Variants in APBA1 observed in about 807,000 individuals in gnomAD.
APBA1 encodes amyloid beta precursor protein binding family A member 1.
Under a neutral mutation model 86.6 loss-of-function variants are expected in APBA1, and 55 were observed. The observed-to-expected ratio is 0.64, with a 90% CI of 0.51 to 0.80. The LOEUF (loss-of-function observed/expected upper bound fraction) is 0.80, where lower values mean the gene tolerates loss of function less well. APBA1 is among the 30% of genes least tolerant of loss of function. The pLI, the probability that APBA1 is intolerant of heterozygous loss-of-function variation, is 0.00. For synonymous variants in APBA1, 511 were observed against 493.9 expected (o/e 1.03, Z -0.46); for missense variants, 1,090 against 1,183.0 (o/e 0.92, Z 1.15).
intron 1 of APBA1, among the ~76,000 whole-genome samples, chr9:69,557,979 A>G (rs368996115): frequency 2.4e-4 from 37 of 152,302 alleles, no homozygotes; most frequent in East Asian, 1.7e-3. Context: ...CACAACTTTG[A>G]TCATTTCATT....
At chr9:69,434,710 T>TA (rs1564027206) in intron 11 of APBA1, among the ~76,000 whole-genome samples, 8,064 of 148,142 alleles carry the variant, frequency 0.054, 781 homozygotes, top group African/African-American at 0.19. Flanking sequence ...CCATCTCAAT[T>TA]TAAAAAAAAA....
rs888541126 is a variant in APBA1 at position 69,536,190 on chromosome 9, A to G, written c.-69-18911T>C. On this transcript the variant is annotated intron_variant, in intron 1 of 12. Coordinates refer to ENST00000265381, the MANE Select transcript of APBA1 (RefSeq NM_001163.4). ...ACATTTTTTCCTATGCAGTGTTTCAATGAACCTCCTCATAGATTATATCCT... is the reference window on the plus strand; with the variant it reads ...ACATTTTTTCCTATGCAGTGTTTCAGTGAACCTCCTCATAGATTATATCCT... 3.9e-5 allele frequency among the ~76,000 whole-genome samples: 6 copies of G among 152,068 alleles called. No homozygotes were observed. In the East Asian group the frequency reaches 1.2e-3, roughly 29 times the overall value.
At chr9:69,440,528 C>T (rs937297764) in intron 11 of APBA1, among the ~76,000 whole-genome samples, 1 of 152,116 alleles carries the variant, frequency 6.6e-6, no homozygotes, top group African/African-American at 2.4e-5. Flanking sequence ...AGTTTGATCT[C>T]AGACTGCTGT....
intron 11 of APBA1, among the ~76,000 whole-genome samples, chr9:69,434,637 G>C (rs913465590): frequency 6.6e-6 from 1 of 151,440 alleles, no homozygotes; most frequent in East Asian, 1.9e-4. Flanking sequence ...AACCCAGGAG[G>C]TGGAGGTTGC....
intron 1 of APBA1, among the ~76,000 whole-genome samples, chr9:69,602,972 G>T (rs1484142599): frequency 6.6e-6 from 1 of 152,122 alleles, no homozygotes; most frequent in Non-Finnish European, 1.5e-5. Context: ...AAGACTTTTG[G>T]CAGCAAATCA....
rs117446068 is a variant in APBA1 at position 69,532,667 on chromosome 9, T to A, written c.-69-15388A>T. ...GTGTGTGCTTTGGTGAGTTGTTGAGTGGCTCTGCTTGCCCACCTCACAGCA... is the reference window on the plus strand; with the variant it reads ...GTGTGTGCTTTGGTGAGTTGTTGAGAGGCTCTGCTTGCCCACCTCACAGCA... On this transcript the variant is annotated intron_variant, in intron 1 of 12. Coordinates refer to ENST00000265381, the MANE Select transcript of APBA1 (RefSeq NM_001163.4). 2.0e-3 allele frequency among the ~76,000 whole-genome samples: 299 copies of A among 152,326 alleles called. 7 individuals are homozygous for A. The East Asian group carries it at 0.034, about 17-fold the overall frequency.
intron 5 of APBA1, among the ~76,000 whole-genome samples, chr9:69,459,866 T>C (rs1395696165): frequency 6.6e-6 from 1 of 152,248 alleles, no homozygotes; most frequent in Admixed American, 6.5e-5. Context: ...CTAAGCACTA[T>C]ATTTGTGTTT....
At chr9:69,524,399 AT>A (rs1836310569) in intron 1 of APBA1, among the ~76,000 whole-genome samples, 1 of 152,150 alleles carries the variant, frequency 6.6e-6, no homozygotes, top group African/African-American at 2.4e-5. Context: ...CAAAAGTGAC[AT>A]TATAACCAAT....
chr9:69,625,120 G>A (rs1270269439), intron 1 of APBA1, among the ~76,000 whole-genome samples: 1 of 152,066 alleles, frequency 6.6e-6, no homozygotes, highest in South Asian at 2.1e-4. Context: ...CTTTATTTGG[G>A]ACCACTTTCC....
intron 1 of APBA1, among the ~76,000 whole-genome samples, chr9:69,637,869 C>G (rs1823212900): frequency 6.6e-6 from 1 of 151,978 alleles, no homozygotes; most frequent in Non-Finnish European, 1.5e-5. Context: ...AGGAGAAATT[C>G]TACATAGAAA....
intron 2 of APBA1, among the ~76,000 whole-genome samples, chr9:69,511,057 C>A (rs371798420): frequency 1.3e-5 from 2 of 151,662 alleles, no homozygotes; most frequent in South Asian, 2.1e-4. Context: ...GCAACAAAAG[C>A]CAAAATGGAC....
chr9:69,475,582 A>T (rs1349248441), intron 3 of APBA1, among the ~76,000 whole-genome samples: 1 of 152,330 alleles, frequency 6.6e-6, no homozygotes, highest in East Asian at 1.9e-4. Flanking sequence ...CTTACGAAAG[A>T]TATCTCATTT....
At chr9:69,592,126 A>AT (rs1332065436) in intron 1 of APBA1, among the ~76,000 whole-genome samples, 3 of 152,252 alleles carry the variant, frequency 2.0e-5, no homozygotes, top group East Asian at 1.9e-4. Context: ...AATAAAAGTG[A>AT]TTTTTTCTAC....
chr9:69,652,776 G>C (rs149754541), intron 1 of APBA1, among the ~76,000 whole-genome samples: 4 of 152,292 alleles, frequency 2.6e-5, no homozygotes, highest in African/African-American at 9.6e-5. Context: ...GGATCATAAG[G>C]TCAGGAGATG....
At chr9:69,594,071 C>T (rs1182085371) in intron 1 of APBA1, among the ~76,000 whole-genome samples, 2 of 152,184 alleles carry the variant, frequency 1.3e-5, no homozygotes, top group African/African-American at 4.8e-5. Context: ...CTTTCCTCCT[C>T]TTGACTTATC....
intron 1 of APBA1, among the ~76,000 whole-genome samples, chr9:69,573,199 T>G (rs749437913): frequency 9.9e-5 from 15 of 152,066 alleles, no homozygotes; most frequent in Non-Finnish European, 2.1e-4. Flanking sequence ...GAATACAATT[T>G]GGCTGGGCGC....
At chr9:69,458,216 G>C in intron 5 of APBA1, 28 bp from the exon 6 acceptor site, 1 of 1,596,588 alleles carries the variant, frequency 6.3e-7, no homozygotes, top group South Asian at 1.1e-5. Flanking sequence ...AACAGAGACA[G>C]GAGAATAGTT....
chr9:69,604,161 TG>T (rs529141364), intron 1 of APBA1, among the ~76,000 whole-genome samples: 27 of 152,222 alleles, frequency 1.8e-4, no homozygotes, highest in African/African-American at 6.0e-4. Flanking sequence ...ACAGCGTTTG[TG>T]GGGGGGTGTG....
chr9:69,587,004 T>C (rs147358481), intron 1 of APBA1, among the ~76,000 whole-genome samples: 2 of 152,348 alleles, frequency 1.3e-5, no homozygotes, highest in African/African-American at 4.8e-5. Flanking sequence ...GAAGAAAATA[T>C]GGTCCATTGA....
Sources: gnomAD v4.1 joint callset for allele counts (sites outside exome capture counted in the v4.1 genomes callset) on GRCh38, gnomAD v4.1.1 for gene constraint, MANE v1.5 for transcripts, NCBI Gene and HGNC (gene_info 2026-07-23, HGNC 2026-07-21) for gene names.